FHIT: variants seen among roughly 807,000 people sequenced by gnomAD.
The protein encoded by FHIT is fragile histidine triad diadenosine triphosphatase, also known as bis(5'-adenosyl)-triphosphatase.
A neutral mutation model predicts 17.9 loss-of-function variants in FHIT; 19 were observed. That is an observed-to-expected ratio of 1.06 (90% CI 0.74 to 1.56). The LOEUF is 1.56. Among genes scored for constraint, FHIT ranks in the 40% most tolerant of loss-of-function variants. The pLI, the probability that FHIT is intolerant of heterozygous loss-of-function variation, is 0.00. For synonymous variants in FHIT, 81 were observed against 69.7 expected, an observed-to-expected ratio of 1.16 and a Z score of -0.81; for missense variants, 248 against 189.2, an observed-to-expected ratio of 1.31 and a Z score of -1.82.
intron 5 of FHIT, among the ~76,000 whole-genome samples, chr3:60,520,630 G>A (rs1017901597): frequency 3.3e-5 from 5 of 151,510 alleles, no homozygotes; most frequent in Non-Finnish European, 5.9e-5. Flanking sequence ...CCCCAGGATT[G>A]CAGAGATGCT....
At chr3:60,672,874 C>CATGTGTGTGTGTGT (rs71092628) in intron 4 of FHIT, among the ~76,000 whole-genome samples, 27,245 of 139,282 alleles carry the variant, frequency 0.2, 3,475 homozygotes, top group East Asian at 0.57. Context: ...CTCTTTGTAG[C>CATGTGTGTGTGTGT]GTGTGTGTGT....
At chr3:60,655,190 A>G (rs1023404206) in intron 4 of FHIT, among the ~76,000 whole-genome samples, 1 of 152,188 alleles carries the variant, frequency 6.6e-6, no homozygotes, top group Admixed American at 6.5e-5. Flanking sequence ...AAGACCAGGA[A>G]TGTTGAAAAG....
chr3:60,045,593 G>A (rs1289006265), intron 5 of FHIT, among the ~76,000 whole-genome samples: 1 of 152,000 alleles, frequency 6.6e-6, no homozygotes, highest in Admixed American at 6.5e-5. Flanking sequence ...TTTTTTTAAT[G>A]GAAAATAAAA....
intron 2 of FHIT, among the ~76,000 whole-genome samples, chr3:61,079,699 C>G (rs1308631220): frequency 6.6e-6 from 1 of 152,148 alleles, no homozygotes; most frequent in Non-Finnish European, 1.5e-5. Context: ...CACATGCAAC[C>G]TATGTATACC....
intron 7 of FHIT, among the ~76,000 whole-genome samples, chr3:59,982,382 A>C (rs149873570): frequency 6.6e-6 from 1 of 152,090 alleles, no homozygotes; most frequent in South Asian, 2.1e-4. Context: ...GAAAAAAAAA[A>C]TTAATTTGTG....
chr3:60,087,223 T>C (rs1703532239), intron 5 of FHIT, among the ~76,000 whole-genome samples: 1 of 152,148 alleles, frequency 6.6e-6, no homozygotes, highest in African/African-American at 2.4e-5. Context: ...AGCAATACTT[T>C]AGGCCTGTCA....
At chr3:60,869,659 A>G (rs1457000721) in intron 3 of FHIT, among the ~76,000 whole-genome samples, 3 of 152,120 alleles carry the variant, frequency 2.0e-5, no homozygotes, top group African/African-American at 7.2e-5. Context: ...ATATGTTTCT[A>G]AGGCCCAAGG....
chr3:60,679,911 T>A (rs1031939321), intron 4 of FHIT, among the ~76,000 whole-genome samples: 1 of 152,214 alleles, frequency 6.6e-6, no homozygotes, highest in Admixed American at 6.5e-5. Context: ...CATATATTTA[T>A]AGTTATTCTT....
chr3:60,320,847 C>T (rs906148878), intron 5 of FHIT, among the ~76,000 whole-genome samples: 1 of 151,978 alleles, frequency 6.6e-6, no homozygotes, highest in African/African-American at 2.4e-5. Context: ...TTAAAATTAC[C>T]TAATATTTTT....
At chr3:60,553,537 A>AGAGAGAGAGG (rs2036640412) in intron 4 of FHIT, 1 of 55,816 alleles carries the variant, frequency 1.8e-5, no homozygotes, top group South Asian at 6.1e-4. Flanking sequence ...AGAGAGAGGG[A>AGAGAGAGAGG]GAGAGAGAGA....
intron 8 of FHIT, among the ~76,000 whole-genome samples, chr3:59,759,257 T>G (rs1701378959): frequency 6.7e-6 from 1 of 149,612 alleles, no homozygotes; most frequent in Non-Finnish European, 1.5e-5. Context: ...GAAGTTTGGA[T>G]TTTATTTTTG....
chr3:60,378,943 A>C (rs7621056), intron 5 of FHIT, among the ~76,000 whole-genome samples: 95,533 of 152,076 alleles, frequency 0.63, 30,134 homozygotes, highest in East Asian at 0.69. Flanking sequence ...GCCCGTTGCA[A>C]GCACTACAAT....
rs573419943 is a variant in FHIT, at chr3:61,168,017, ACAGCCCACAGGGCCAGACTTGGACAG to A, written c.-164+32574_-164+32599del. On this transcript the variant is annotated intron_variant, in intron 2 of 9. Coordinates refer to ENST00000492590, the MANE Select transcript of FHIT (RefSeq NM_002012.4). ...TCTATAAAGCAAGAATTGGCACACC[ACAGCCCACAGGGCCAGACTTGGACAG>A]CAGCCTCTTGATACCACCACAAATT... is the stretch of plus-strand genomic sequence containing the variant. 1.6e-4 allele frequency among the ~76,000 whole-genome samples: 25 copies of A among 152,354 alleles called. No individual in the cohort carries two copies. The East Asian group carries it at 4.2e-3, about 26-fold the overall frequency.
intron 5 of FHIT, among the ~76,000 whole-genome samples, chr3:60,520,873 C>T (rs1243090578): frequency 6.6e-6 from 1 of 151,988 alleles, no homozygotes; most frequent in South Asian, 2.1e-4. Flanking sequence ...TTTCACACAC[C>T]TACCTCTTCC....
At chr3:60,635,547 T>C (rs1553683596) in intron 4 of FHIT, among the ~76,000 whole-genome samples, 2 of 152,208 alleles carry the variant, frequency 1.3e-5, no homozygotes, top group Non-Finnish European at 2.9e-5. Context: ...AGTCATCTAT[T>C]TGTGTGTATG....
At chr3:61,185,472 C>T (rs2038478975) in intron 2 of FHIT, among the ~76,000 whole-genome samples, 1 of 152,192 alleles carries the variant, frequency 6.6e-6, no homozygotes, top group Non-Finnish European at 1.5e-5. Flanking sequence ...AATCACACTG[C>T]TCTTCCTGAA....
intron 8 of FHIT, among the ~76,000 whole-genome samples, chr3:59,890,346 G>A (rs867281137): frequency 6.6e-6 from 1 of 151,976 alleles, no homozygotes; most frequent in Non-Finnish European, 1.5e-5. Context: ...TACGGACTGA[G>A]CATCAATCTG....
chr3:59,750,612 C>T (rs1700841896), intron 9 of FHIT: 4 of 224,174 alleles, frequency 1.8e-5, no homozygotes, highest in Non-Finnish European at 3.6e-5. Flanking sequence ...GAGTGCAGAG[C>T]TGACAAACTT....
Position 60,631,676 on chromosome 3 carries a change from A to G in FHIT, c.-17-94697T>C, listed in dbSNP as rs75422229. Among the ~76,000 whole-genome samples, 646 of 152,248 alleles carry G rather than the reference A, an allele frequency of 4.2e-3. 3 individuals are homozygous for G. The highest frequency in any genetic ancestry group is 6.8e-3 in the Middle Eastern group (2 of 294). On this transcript the variant is annotated intron_variant, in intron 4 of 9. Coordinates refer to ENST00000492590, the MANE Select transcript of FHIT (RefSeq NM_002012.4). ...TTCAGAGTCTCAAAGAAATCCATCA[A>G]ATTGTCTCTCTGGGCCTCAGTCCAT...
Sources: gnomAD v4.1 joint callset for allele counts (sites outside exome capture counted in the v4.1 genomes callset) on GRCh38, gnomAD v4.1.1 for gene constraint, MANE v1.5 for transcripts, NCBI Gene and HGNC (gene_info 2026-07-23, HGNC 2026-07-21) for gene names.